WWOX: variants seen among roughly 807,000 people sequenced by gnomAD.
WWOX encodes the protein WW domain-containing oxidoreductase.
WWOX carries 69 observed loss-of-function variants against 46.2 expected under a neutral mutation model. The observed-to-expected ratio is 1.49, with a 90% CI of 1.23 to 1.82. WWOX has a LOEUF of 1.82. WWOX is among the 40% of genes most tolerant of loss of function. WWOX has a pLI of 0.00. For missense variants in WWOX, 919 were observed against 542.6 expected (o/e 1.69, Z -6.89); for synonymous variants, 359 against 202.6 (o/e 1.77, Z -6.56).
At chr16:78,459,374 G>C (rs1597115157) in intron 8 of WWOX, among the ~76,000 whole-genome samples, 3 of 152,276 alleles carry the variant, frequency 2.0e-5, no homozygotes. Flanking sequence ...TAAGTAACTG[G>C]ATATTTCCGA....
At chr16:78,855,552 C>A (rs567212951) in intron 8 of WWOX, among the ~76,000 whole-genome samples, 5 of 152,240 alleles carry the variant, frequency 3.3e-5, no homozygotes, top group Non-Finnish European at 7.4e-5. Context: ...TAAAATTTCC[C>A]CAAGCACTTT....
intron 5 of WWOX, among the ~76,000 whole-genome samples, chr16:78,364,302 G>C (rs1025610752): frequency 6.6e-6 from 1 of 152,126 alleles, no homozygotes; most frequent in Admixed American, 6.6e-5. Flanking sequence ...AGGGGGAATT[G>C]GATATTGTCT....
At chr16:78,157,887 C>T (rs1191838408) in intron 4 of WWOX, among the ~76,000 whole-genome samples, 3 of 152,192 alleles carry the variant, frequency 2.0e-5, no homozygotes, top group African/African-American at 7.2e-5. Flanking sequence ...AGGCATAGGA[C>T]ACCAAGGATT....
chr16:78,471,572 C>G (rs1022515398), intron 8 of WWOX, among the ~76,000 whole-genome samples: 1 of 152,132 alleles, frequency 6.6e-6, no homozygotes, highest in Non-Finnish European at 1.5e-5. Context: ...ATCTCTGCAG[C>G]GATAGTTGAA....
intron 8 of WWOX, chr16:78,496,248 T>G (rs1423150847): frequency 6.6e-6 from 1 of 152,168 alleles, no homozygotes; most frequent in African/African-American, 2.4e-5. Flanking sequence ...TGTTCCCTCC[T>G]CCCGTTCATT....
intron 8 of WWOX, among the ~76,000 whole-genome samples, chr16:78,594,583 C>T (rs1233281245): frequency 6.6e-6 from 1 of 151,976 alleles, no homozygotes; most frequent in Non-Finnish European, 1.5e-5. Flanking sequence ...TGGCATAAGC[C>T]ATGGCATTTT....
At chr16:78,610,723 G>A (rs1041008223) in intron 8 of WWOX, among the ~76,000 whole-genome samples, 2 of 152,060 alleles carry the variant, frequency 1.3e-5, no homozygotes, top group African/African-American at 4.8e-5. Flanking sequence ...ATCTAACTTA[G>A]GGATGTATCA....
At chr16:78,248,483 C>T (rs561939771) in intron 5 of WWOX, among the ~76,000 whole-genome samples, 169 of 152,260 alleles carry the variant, frequency 1.1e-3, no homozygotes, top group African/African-American at 4.0e-3. Flanking sequence ...ACTCTGTAAT[C>T]CCAGCACTTT....
chr16:78,973,515 C>G lies in WWOX; in HGVS notation c.1057-238093C>G, dbSNP rs544063738. Among the ~76,000 whole-genome samples the G allele has an allele frequency of 3.9e-5, 6 of 152,324 alleles. No individual in the cohort carries two copies. In the East Asian group the frequency reaches 9.6e-4, roughly 24 times the overall value. ...TCTCTAACAACATGTCTGATGAATA[C>G]GAAGCCTCCCTTTATTTATTTATTT... On this transcript the variant is annotated intron_variant, in intron 8 of 8. Transcript: ENST00000566780.
intron 1 of WWOX, among the ~76,000 whole-genome samples, chr16:78,101,654 C>A (rs971009868): frequency 6.6e-6 from 1 of 152,160 alleles, no homozygotes; most frequent in African/African-American, 2.4e-5. Flanking sequence ...GGCCCCTCCC[C>A]TCTCCCTTGG....
chr16:79,156,306 G>T (rs1378088535), intron 8 of WWOX, among the ~76,000 whole-genome samples: 1 of 152,166 alleles, frequency 6.6e-6, no homozygotes, highest in Non-Finnish European at 1.5e-5. Flanking sequence ...AGACCCAGGT[G>T]CGCACCAACA....
Position 79,020,447 on chromosome 16 carries a change from T to C in WWOX, c.1057-191161T>C, listed in dbSNP as rs149005580. Among the ~76,000 whole-genome samples, 1,181 of 152,274 alleles carry C rather than the reference T, an allele frequency of 7.8e-3. 36 individuals are homozygous for C. The highest frequency in any genetic ancestry group is 0.062 in the East Asian group (320 of 5,178). On this transcript the variant is annotated intron_variant, in intron 8 of 8. Transcript: ENST00000566780. ...CTTTGTGGCTCAGTTTCTTCATATA[T>C]AAAATGGGGATCATGATAGTCTCTG...
At chr16:78,978,529 G>A (rs771731725) in intron 8 of WWOX, among the ~76,000 whole-genome samples, 9 of 152,154 alleles carry the variant, frequency 5.9e-5, no homozygotes, top group Non-Finnish European at 8.8e-5. Flanking sequence ...ATAAAGAAAT[G>A]CCTGAGACTG....
In WWOX at chr16:79,116,454, G is replaced by C. The variant is rs143893526; in HGVS notation, c.1057-95154G>C. On this transcript the variant is annotated intron_variant, in intron 8 of 8. Transcript: ENST00000566780. Reference sequence around the variant, plus strand: ...TTGTCATTTCAACAACATTCATGACGTTGTTCATGACAATGTTCAGTGTTC... The same window carrying C: ...TTGTCATTTCAACAACATTCATGACCTTGTTCATGACAATGTTCAGTGTTC... 2.1e-4 allele frequency among the ~76,000 whole-genome samples: 32 copies of C among 152,224 alleles called. 1 individual carries two copies. In the East Asian group the frequency reaches 6.0e-3, roughly 28 times the overall value.
chr16:78,487,369 CG>C (rs1555548069), intron 8 of WWOX, among the ~76,000 whole-genome samples: 2 of 152,114 alleles, frequency 1.3e-5, no homozygotes, highest in Non-Finnish European at 2.9e-5. Flanking sequence ...TCCCCAATTC[CG>C]TATCCCATCT....
Position 78,869,139 on chromosome 16 carries a change from G to A in WWOX, c.1057-342469G>A, listed in dbSNP as rs148393886. ...TGAAATTTTAAATACACTAGTATAT[G>A]TAATTAAAATTGTATATACGTTTTA... On this transcript the variant is annotated intron_variant, in intron 8 of 8. Coordinates refer to ENST00000566780, the MANE Select transcript of WWOX (RefSeq NM_016373.4). Among the ~76,000 whole-genome samples the A allele has an allele frequency of 3.5e-3, 526 of 152,268 alleles. 4 individuals are homozygous for A. Among genetic ancestry groups the A allele is most frequent in the African/African-American group, 0.012 (492 of 41,544 alleles).
chr16:79,203,144 C>T (rs557804894), intron 8 of WWOX: 1 of 152,328 alleles, frequency 6.6e-6, no homozygotes, highest in Admixed American at 6.5e-5. Flanking sequence ...TCTATTGTTT[C>T]TCATTACCCA....
At chr16:78,888,615 T>C (rs1029262584) in intron 8 of WWOX, among the ~76,000 whole-genome samples, 2 of 152,166 alleles carry the variant, frequency 1.3e-5, no homozygotes, top group Non-Finnish European at 2.9e-5. Context: ...GACTTAAATG[T>C]GTCCCTGCTG....
intron 8 of WWOX, among the ~76,000 whole-genome samples, chr16:78,803,758 C>G (rs889051364): frequency 1.3e-4 from 20 of 152,128 alleles, no homozygotes; most frequent in Admixed American, 4.6e-4. Flanking sequence ...CGTGTCCAGC[C>G]TAAATGGCAT....
Sources: gnomAD v4.1 joint callset for allele counts (sites outside exome capture counted in the v4.1 genomes callset) on GRCh38, gnomAD v4.1.1 for gene constraint, MANE v1.5 for transcripts, NCBI Gene and HGNC (gene_info 2026-07-23, HGNC 2026-07-21) for gene names.